Variants in DROSHA observed in about 807,000 individuals in gnomAD.
DROSHA encodes drosha ribonuclease III.
A neutral mutation model predicts 181.9 loss-of-function variants in DROSHA; 56 were observed. The ratio of observed to expected loss-of-function variants is 0.31; its 90% CI spans 0.25 to 0.38. The LOEUF is 0.38. DROSHA is among the 10% of genes least tolerant of loss of function. DROSHA has a pLI of 1.00. For synonymous variants in DROSHA, 524 were observed against 591.2 expected, an observed-to-expected ratio of 0.89 and a Z score of 1.65; for missense variants, 1,218 against 1,743.5, an observed-to-expected ratio of 0.70 and a Z score of 5.37.
chr5:31,435,976 T>C, intron 24 of DROSHA, 112 bp from the exon 25 acceptor site: 1 of 857,466 alleles, frequency 1.2e-6, no homozygotes, highest in African/African-American at 1.7e-5. Context: ...GGATATCAGG[T>C]GAATCAAACT....
chr5:31,529,068 G>C lies in DROSHA; in HGVS notation c.-9C>G, dbSNP rs370870212. The C allele has an allele frequency of 4.3e-6, 7 of 1,612,602 alleles. No homozygotes were observed. Among genetic ancestry groups the C allele is most frequent in the Non-Finnish European group, 5.9e-6 (7 of 1,179,484 alleles). Reference sequence around the variant, plus strand: ...GTGTTTCCCTGCATCATGATGTTCCGCCTGGATATGTCACATCTTCCACAG... The same window carrying C: ...GTGTTTCCCTGCATCATGATGTTCCCCCTGGATATGTCACATCTTCCACAG... On this transcript the variant is annotated 5_prime_UTR_variant, in exon 4 of 36. Transcript: ENST00000344624.
At chr5:31,419,604 A>G (rs1010447654) in intron 30 of DROSHA, among the ~76,000 whole-genome samples, 5 of 152,122 alleles carry the variant, frequency 3.3e-5, no homozygotes, top group Non-Finnish European at 1.5e-5. Context: ...GTACACGGTG[A>G]GCAGGTGGGA....
chr5:31,422,918 T>C lies in DROSHA; in HGVS notation c.3288A>G (p.Gln1096=), dbSNP rs1336549314. The C allele has an allele frequency of 1.2e-6, 2 of 1,608,964 alleles. No homozygotes were observed. Among genetic ancestry groups the C allele is most frequent in the Non-Finnish European group, 1.7e-6 (2 of 1,177,762 alleles). The stretch of plus-strand genomic sequence containing the variant: ...GTAGAACTGGAGAAGTTTCAATAAG[T>C]TGTCGATCAGTATTTGGCTCTTGTA... ...LQLQEPNTDR[Q]LIETSPVLQK... is the part of the protein sequence containing the mutation. Residue 1096 remains glutamine, a synonymous_variant, in exon 29 of 36, where the codon CAA becomes CAG. Coordinates refer to ENST00000344624, the MANE Select transcript of DROSHA (RefSeq NM_001382508.1).
rs370437114 is a variant in DROSHA, at chr5:31,451,645, GA to G, written c.2575-6del. On this transcript the variant is annotated splice_region_variant and splice_polypyrimidine_tract_variant and intron_variant, in intron 20 of 35. Transcript: ENST00000344624. Reference sequence around the variant, plus strand: ...AACAGGTAGCATCATTGCATGCTAGGAAAAAAAAAATTCAATATGTTTAACT... The same window carrying G: ...AACAGGTAGCATCATTGCATGCTAGGAAAAAAAAATTCAATATGTTTAACT... 5.4e-4 allele frequency: 815 copies of G among 1,511,270 alleles called. No homozygotes were observed. Among genetic ancestry groups the G allele is most frequent in the Admixed American group, 1.0e-3 (54 of 51,906 alleles). 93.6% of individuals were successfully genotyped at this position (1,511,270 alleles called of 1,614,324 possible).
intron 24 of DROSHA, among the ~76,000 whole-genome samples, chr5:31,436,741 AACACACACACACACACACACACAC>A (rs58046266): frequency 0.01 from 1,432 of 137,786 alleles, 34 homozygotes; most frequent in African/African-American, 0.036. Context: ...TCTGGAGAGA[AACACACACACACACACACACACAC>A]ACACACACAC....
At chr5:31,483,656 A>G (rs943747555) in intron 15 of DROSHA, 28 bp from the exon 16 acceptor site, 21 of 1,569,366 alleles carry the variant, frequency 1.3e-5, no homozygotes, top group Non-Finnish European at 1.7e-5. Flanking sequence ...GAAAAAAAAA[A>G]AAAAAAGAAA....
At chr5:31,527,871 C>T (rs557748016) in intron 4 of DROSHA, among the ~76,000 whole-genome samples, 11 of 152,336 alleles carry the variant, frequency 7.2e-5, no homozygotes, top group South Asian at 2.1e-4. Context: ...CACTCTAATC[C>T]GACTTCAGCT....
chr5:31,510,597 G>C (rs1383973937), intron 9 of DROSHA, among the ~76,000 whole-genome samples: 1 of 152,212 alleles, frequency 6.6e-6, no homozygotes. Context: ...TTATGAAAAA[G>C]CTATGCAAAC....
chr5:31,466,799 G>A (rs1432811248), intron 18 of DROSHA, among the ~76,000 whole-genome samples: 1 of 152,114 alleles, frequency 6.6e-6, no homozygotes, highest in East Asian at 1.9e-4. Context: ...CCACTGGAGA[G>A]GATAAAAGAC....
At chr5:31,440,422 A>T (rs1745430205) in intron 23 of DROSHA, among the ~76,000 whole-genome samples, 1 of 152,246 alleles carries the variant, frequency 6.6e-6, no homozygotes. Flanking sequence ...CTACAAAATC[A>T]TCTACTTAGA....
chr5:31,472,327 G>C, intron 16 of DROSHA, 95 bp from the exon 17 acceptor site: 1 of 1,348,520 alleles, frequency 7.4e-7, no homozygotes, highest in Non-Finnish European at 9.9e-7. Flanking sequence ...CAAGACAATG[G>C]AGGAAAAAGA....
chr5:31,435,898 T>G, intron 24 of DROSHA, 34 bp from the exon 25 acceptor site: 3 of 1,590,500 alleles, frequency 1.9e-6, no homozygotes, highest in Non-Finnish European at 2.6e-6. Flanking sequence ...TGAATAAATA[T>G]GCATCACGAC....
chr5:31,415,667 T>C (rs886894737), intron 30 of DROSHA, among the ~76,000 whole-genome samples: 1 of 152,184 alleles, frequency 6.6e-6, no homozygotes, highest in East Asian at 1.9e-4. Context: ...ATCACCGCTA[T>C]AGTGCATGCC....
intron 16 of DROSHA, among the ~76,000 whole-genome samples, chr5:31,478,243 T>C (rs1171773392): frequency 6.6e-6 from 1 of 152,136 alleles, no homozygotes; most frequent in Non-Finnish European, 1.5e-5. Context: ...TGGGCCACAG[T>C]GGAAGAATTG....
Position 31,514,754 on chromosome 5 carries a change from T to C in DROSHA, c.1290+234A>G, listed in dbSNP as rs1156792913. On this transcript the variant is annotated intron_variant, in intron 8 of 35. Transcript: ENST00000344624. This position sits in a 1 kb window ranked among gnomAD's most constrained non-coding sequence, Gnocchi z 4.4. ...TTTGTCTGTAACAGTGATTCTCAAC[T>C]GGGGGTGATCTTTTCCCCCCAGGGG... 6.6e-6 allele frequency among the ~76,000 whole-genome samples: 1 copy of C among 152,358 alleles called. No individual in the cohort carries two copies. The highest frequency in any genetic ancestry group is 1.9e-4 in the East Asian group (1 of 5,188).
At chr5:31,416,933 A>T (rs961285456) in intron 30 of DROSHA, among the ~76,000 whole-genome samples, 2 of 152,180 alleles carry the variant, frequency 1.3e-5, no homozygotes, top group African/African-American at 4.8e-5. Flanking sequence ...GGGACCAAGG[A>T]ATCAGGAATG....
intron 25 of DROSHA, among the ~76,000 whole-genome samples, chr5:31,432,760 T>G (rs1744330998): frequency 6.6e-6 from 1 of 152,350 alleles, no homozygotes; most frequent in Non-Finnish European, 1.5e-5. Context: ...ATACTAACTT[T>G]ACCTCTGGAT....
At chr5:31,446,446 CAAAAAAAA>C (rs60001713) in intron 23 of DROSHA, among the ~76,000 whole-genome samples, 1 of 59,346 alleles carries the variant, frequency 1.7e-5, no homozygotes, top group East Asian at 7.5e-4. Flanking sequence ...GACTCTGTCT[CAAAAAAAA>C]AAAAAAAAAA....
In DROSHA at chr5:31,526,546, G is replaced by A. The variant is rs1411750304; in HGVS notation, c.387C>T (p.Asn129=). ...PMPPPMPCPN[N]PPVPGAPPGQ... ...CAGGAGGTGCCCCAGGGACTGGGGG[G>A]TTATTAGGACAAGGCATTGGTGGTG... Residue 129 remains asparagine, a synonymous_variant, in exon 5 of 36, where the codon AAC becomes AAT. Coordinates refer to ENST00000344624, the MANE Select transcript of DROSHA (RefSeq NM_001382508.1). The A allele has an allele frequency of 5.2e-5, 81 of 1,551,860 alleles. No homozygotes were observed. Among genetic ancestry groups the A allele is most frequent in the Middle Eastern group, 1.7e-4 (1 of 5,744 alleles).
Sources: gnomAD v4.1 joint callset for allele counts (sites outside exome capture counted in the v4.1 genomes callset) on GRCh38, gnomAD v4.1.1 for gene constraint, Gnocchi (gnomAD v3.1) non-coding constraint, MANE v1.5 for transcripts, NCBI Gene and HGNC (gene_info 2026-07-23, HGNC 2026-07-21) for gene names.